The following ADAMTS20 variants were observed in gnomAD, a reference collection of about 807,000 sequenced individuals.
ADAMTS20 encodes the protein A disintegrin and metalloproteinase with thrombospondin motifs 20.
A neutral mutation model predicts 260.1 loss-of-function variants in ADAMTS20; 225 were observed. The observed-to-expected ratio is 0.87, with a 90% CI of 0.78 to 0.97. The LOEUF (loss-of-function observed/expected upper bound fraction) is 0.97. Among genes scored for constraint, ADAMTS20 ranks in the 50% least tolerant of loss-of-function variants. ADAMTS20 has a pLI of 0.00. For synonymous variants in ADAMTS20, 802 were observed against 769.5 expected, an observed-to-expected ratio of 1.04 and a Z score of -0.70; for missense variants, 2,400 against 2,337.7, an observed-to-expected ratio of 1.03 and a Z score of -0.55.
At chr12:43,536,017 G>A (rs1473160268) in intron 2 of ADAMTS20, among the ~76,000 whole-genome samples, 1 of 151,870 alleles carries the variant, frequency 6.6e-6, no homozygotes, top group Non-Finnish European at 1.5e-5. Context: ...GTCATCCAAG[G>A]GAGGCATTTA....
intron 15 of ADAMTS20, among the ~76,000 whole-genome samples, chr12:43,444,192 C>T (rs1941719427): frequency 6.6e-6 from 1 of 152,050 alleles, no homozygotes; most frequent in Non-Finnish European, 1.5e-5. Context: ...CCTTAGTACA[C>T]ATACCCATTT....
chr12:43,509,363 T>C (rs1227155400), intron 3 of ADAMTS20, among the ~76,000 whole-genome samples: 1 of 152,058 alleles, frequency 6.6e-6, no homozygotes, highest in East Asian at 1.9e-4. Context: ...GATAATGTTA[T>C]CAATACAGAT....
Position 43,429,666 on chromosome 12 carries a change from G to A in ADAMTS20, c.3440C>T (p.Thr1147Ile). The A allele has an allele frequency of 6.2e-7, 1 of 1,600,802 alleles. No individual in the cohort carries two copies. Among genetic ancestry groups the A allele is most frequent in the African/African-American group, 1.3e-5 (1 of 74,890 alleles). The change falls in exon 24 of 39, where the codon ACT becomes ATT. Residue 1147 changes from threonine (T) to isoleucine (I), a missense_variant. Coordinates refer to ENST00000389420, the MANE Select transcript of ADAMTS20 (RefSeq NM_025003.5). ...ISKLETALLP[T>I]VLIKKMAQWR... ...TTGTGCCATCTTTTTTATGAGAACA[G>A]TTGGTAATAAAGCGGTCTCAAGTTT...
chr12:43,546,328 A>G lies in ADAMTS20; in HGVS notation c.453+4581T>C, dbSNP rs1209875379. On this transcript the variant is annotated intron_variant, in intron 2 of 38. Coordinates refer to ENST00000389420, the MANE Select transcript of ADAMTS20 (RefSeq NM_025003.5). ...CTACTCCATGTATAAGTCAGATGCA[A>G]TGTCTGGTTTCATGACATCTGGAAA... Among the ~76,000 whole-genome samples, 3 of 152,256 alleles carry G rather than the reference A, an allele frequency of 2.0e-5. No homozygotes were observed. The East Asian group carries it at 5.8e-4, about 29-fold the overall frequency.
chr12:43,419,729 C>T (rs1248832615), intron 28 of ADAMTS20, among the ~76,000 whole-genome samples: 1 of 151,934 alleles, frequency 6.6e-6, no homozygotes, highest in African/African-American at 2.4e-5. Context: ...CATTATAACA[C>T]ACACACACAA....
At chr12:43,480,440 A>G (rs1942424008) in intron 7 of ADAMTS20, among the ~76,000 whole-genome samples, 1 of 152,190 alleles carries the variant, frequency 6.6e-6, no homozygotes, top group Non-Finnish European at 1.5e-5. Flanking sequence ...CTTTCGATAT[A>G]TACCCAGGAG....
chr12:43,408,073 T>G (rs1327477977), intron 28 of ADAMTS20, among the ~76,000 whole-genome samples: 2 of 152,200 alleles, frequency 1.3e-5, no homozygotes, highest in Non-Finnish European at 2.9e-5. Flanking sequence ...AAAAATGGTA[T>G]GGTTAATATG....
At chr12:43,474,507 G>C (rs1368950542) in intron 7 of ADAMTS20, among the ~76,000 whole-genome samples, 3 of 136,278 alleles carry the variant, frequency 2.2e-5, no homozygotes, top group Non-Finnish European at 4.8e-5. Flanking sequence ...GCATCATTCT[G>C]ATACCAAAGC....
rs184296091 is a variant in ADAMTS20, at chr12:43,524,917, A to T, written c.613+7119T>A. Reference sequence around the variant, plus strand: ...CCAAACCTAAGAATAAATGGTGTTTATGAGTGGGAAGAGAAAGCAAAAACT... The same window carrying T: ...CCAAACCTAAGAATAAATGGTGTTTTTGAGTGGGAAGAGAAAGCAAAAACT... On this transcript the variant is annotated intron_variant, in intron 3 of 38. Transcript: ENST00000389420. Among the ~76,000 whole-genome samples the T allele has an allele frequency of 3.7e-4, 57 of 152,350 alleles. No individual in the cohort carries two copies. In the East Asian group the frequency reaches 0.011, roughly 29 times the overall value.
chr12:43,360,019 G>C (rs1247105683), intron 37 of ADAMTS20, among the ~76,000 whole-genome samples: 1 of 152,074 alleles, frequency 6.6e-6, no homozygotes, highest in Non-Finnish European at 1.5e-5. Flanking sequence ...CTTTGTGAGA[G>C]ATATTTAAAA....
chr12:43,486,311 A>T (rs1160727164), intron 7 of ADAMTS20, among the ~76,000 whole-genome samples: 2 of 152,220 alleles, frequency 1.3e-5, no homozygotes, highest in Admixed American at 1.3e-4. Flanking sequence ...AAAGCATACA[A>T]AAATATAAAT....
intron 10 of ADAMTS20, among the ~76,000 whole-genome samples, chr12:43,463,692 G>A (rs116525385): frequency 0.014 from 2,063 of 152,156 alleles, 51 homozygotes; most frequent in African/African-American, 0.047. Context: ...AAGAATAGTC[G>A]CTATATGAAA....
In ADAMTS20 at chr12:43,439,751, C is replaced by G; in HGVS notation, c.2464G>C (p.Val822Leu). The G allele has an allele frequency of 6.2e-7, 1 of 1,603,702 alleles. No individual in the cohort carries two copies. Among genetic ancestry groups the G allele is most frequent in the Non-Finnish European group, 8.5e-7 (1 of 1,175,900 alleles). ...TTGTATAAATTACCCACACACAACACCTCAATAAGAATATAAAAGAACATA... is the reference window on the plus strand; with the variant it reads ...TTGTATAAATTACCCACACACAACAGCTCAATAAGAATATAAAAGAACATA... ...NRQEKELILQVLCVGNLYNPD... is the reference protein window; with the variant it reads ...NRQEKELILQLLCVGNLYNPD... Residue 822 changes from valine to leucine, a missense_variant and splice_region_variant, in exon 18 of 39, where the codon GTG (valine) becomes CTG (leucine). Transcript: ENST00000389420.
At chr12:43,543,897 G>A (rs900417996) in intron 2 of ADAMTS20, among the ~76,000 whole-genome samples, 4 of 152,048 alleles carry the variant, frequency 2.6e-5, no homozygotes, top group African/African-American at 9.7e-5. Context: ...CCTTCTCCAT[G>A]CTCTTACTAT....
chr12:43,500,257 G>C (rs1290583002), intron 4 of ADAMTS20, among the ~76,000 whole-genome samples: 1 of 152,084 alleles, frequency 6.6e-6, no homozygotes, highest in Non-Finnish European at 1.5e-5. Context: ...TCGAACTCCT[G>C]ACCTCAGGTA....
Position 43,493,205 on chromosome 12 carries a change from C to G in ADAMTS20, c.916G>C (p.Val306Leu), listed in dbSNP as rs557564189. The G allele has an allele frequency of 6.4e-7, 1 of 1,562,900 alleles. No homozygotes were observed. Among genetic ancestry groups the G allele is most frequent in the Admixed American group, 1.9e-5 (1 of 52,164 alleles). Residue 306 changes from valine (V) to leucine (L), a missense_variant, in exon 5 of 39, where the codon GTA (valine) becomes CTA (leucine). Physicochemically the swap from Val to Leu is conservative, Grantham distance 32 (BLOSUM62 1). Coordinates refer to ENST00000389420, the MANE Select transcript of ADAMTS20 (RefSeq NM_025003.5). ...TGAATCATAACTAATTTTACCACTACTATGTGTATCAAATTTCCAATACTT... is the reference window on the plus strand; with the variant it reads ...TGAATCATAACTAATTTTACCACTAGTATGTGTATCAAATTTCCAATACTT... ...DPSIGNLIHI[V>L]VVKLVMIHRE...
chr12:43,490,949 A>G (rs1451684366), intron 6 of ADAMTS20, among the ~76,000 whole-genome samples: 2 of 151,768 alleles, frequency 1.3e-5, no homozygotes, highest in African/African-American at 4.8e-5. Context: ...GCTATCTCCA[A>G]TCTCTCCTGC....
At chr12:43,433,655 A>G (rs911227168) in intron 19 of ADAMTS20, 18 of 273,652 alleles carry the variant, frequency 6.6e-5, no homozygotes, top group African/African-American at 1.2e-4. Flanking sequence ...CTCATTGTAT[A>G]CCATGTCACT....
rs138317334 is a variant in ADAMTS20 at position 43,372,373 on chromosome 12, C to T, written c.5447-2992G>A. Among the ~76,000 whole-genome samples the T allele has an allele frequency of 1.4e-3, 214 of 152,260 alleles. 5 individuals are homozygous for T. The highest frequency in any genetic ancestry group is 4.9e-3 in the African/African-American group (202 of 41,552). ...CTGATGCATCATGTAAGATGGAAAA[C>T]AAGACTTTATCATTGAATTTAAGGA... is the stretch of plus-strand genomic sequence containing the variant. On this transcript the variant is annotated intron_variant, in intron 36 of 38. Coordinates refer to ENST00000389420, the MANE Select transcript of ADAMTS20 (RefSeq NM_025003.5).
Sources: allele counts gnomAD v4.1 joint callset (sites outside exome capture counted in the v4.1 genomes callset), GRCh38; gene constraint gnomAD v4.1.1; transcripts MANE v1.5; gene names NCBI Gene and HGNC (gene_info 2026-07-23, HGNC 2026-07-21).